FHOD1: variants seen among roughly 807,000 people sequenced by gnomAD.
FHOD1 encodes FH1/FH2 domain-containing protein 1.
A neutral mutation model predicts 111.6 loss-of-function variants in FHOD1; 89 were observed. That is an observed-to-expected ratio of 0.80 (90% CI 0.67 to 0.95). The LOEUF (loss-of-function observed/expected upper bound fraction) is 0.95. Among genes scored for constraint, FHOD1 ranks in the 40% least tolerant of loss-of-function variants. FHOD1 has a pLI of 0.00. For synonymous variants in FHOD1, 618 were observed against 639.0 expected, an observed-to-expected ratio of 0.97 and a Z score of 0.50; for missense variants, 1,446 against 1,554.2, an observed-to-expected ratio of 0.93 and a Z score of 1.17.
intron 13 of FHOD1, 138 bp downstream of exon 13, chr16:67,233,519 C>T: frequency 1.6e-6 from 2 of 1,267,194 alleles, no homozygotes; most frequent in South Asian, 1.7e-5. Context: ...GTTAGGAGAC[C>T]TTGGACAATT....
intron 1 of FHOD1, 102 bp downstream of exon 1, chr16:67,247,108 G>T (rs888454128): frequency 2.3e-6 from 3 of 1,313,088 alleles, no homozygotes; most frequent in Admixed American, 2.9e-5. Context: ...TTCCGGAGAA[G>T]AACACTCGCT....
chr16:67,239,258 T>C lies in FHOD1; in HGVS notation c.308+90A>G, dbSNP rs188352380. The C allele has an allele frequency of 1.3e-3, 1,338 of 1,025,554 alleles. 10 individuals carry two copies. The Middle Eastern group carries it at 0.019, about 15-fold the overall frequency. 63.5% of individuals were successfully genotyped at this position (1,025,554 alleles called of 1,614,324 possible). ...GCAGGAGGTGACCCATGGCTCAGGC[T>C]AGTGATCGAGTGTCTCAGCTGCTGA... On this transcript the variant is annotated intron_variant, in intron 2 of 21. Transcript: ENST00000258201.
chr16:67,230,657 G>T lies in FHOD1; in HGVS notation c.2802C>A (p.Asp934Glu). 1.2e-6 allele frequency: 2 copies of T among 1,614,092 alleles called. No individual in the cohort carries two copies. The highest frequency in any genetic ancestry group is 1.7e-6 in the Non-Finnish European group (2 of 1,179,958). Residue 934 changes from aspartate (D) to glutamate (E), a missense_variant, in exon 18 of 22, where the codon GAC (aspartate) becomes GAA (glutamate). Around this residue, in one of 3 missense-constraint regions of FHOD1, gnomAD observed 1,085 missense variants for 1,108.8 expected, o/e 0.98. Transcript: ENST00000258201. ...GCATGGCAACACGGCGGGCACACTG[G>T]TCCAGGAAGTGGGTGAGGCGGGCAC... ...ALRARLTHFLDQCARRVAMLR... is the reference protein window; with the variant it reads ...ALRARLTHFLEQCARRVAMLR...
At chr16:67,245,904 C>G (rs1232585183) in intron 1 of FHOD1, among the ~76,000 whole-genome samples, 1 of 152,204 alleles carries the variant, frequency 6.6e-6, no homozygotes, top group Non-Finnish European at 1.5e-5. Context: ...GCACTCCTGT[C>G]TTCCCAGCCC....
intron 1 of FHOD1, among the ~76,000 whole-genome samples, chr16:67,246,638 G>A (rs2034847030): frequency 6.6e-6 from 1 of 152,226 alleles, no homozygotes; most frequent in African/African-American, 2.4e-5. Context: ...TGCGCTCTGC[G>A]GATCCCGGGC....
At position 67,234,200 on chromosome 16, in the gene FHOD1, G is replaced by T. The variant is rs775806091; in HGVS notation, c.1503C>A (p.Pro501=). Residue 501 remains proline, a synonymous_variant, in exon 13 of 22, where the codon CCC becomes CCA. Transcript: ENST00000258201. ...PAARTPQSPA[P]CVLLRAQRSL... ...TTCGCTGGGCCCGGAGCAGGACACA[G>T]GGGGCAGGGCTCTGGGGTGTTCTGG... 4 of 1,548,322 alleles carry T rather than the reference G, an allele frequency of 2.6e-6. No individual in the cohort carries two copies. The Admixed American group carries it at 7.6e-5, about 29-fold the overall frequency.
chr16:67,231,392 A>G lies in FHOD1; in HGVS notation c.2505+38T>C, dbSNP rs937031607. 1 of 1,613,742 alleles carries G rather than the reference A, an allele frequency of 6.2e-7. No individual in the cohort carries two copies. Among genetic ancestry groups the G allele is most frequent in the Admixed American group, 1.7e-5 (1 of 59,982 alleles). ...GAGCCTGGGCCTGGTTGGCTCCAGA[A>G]CCCTGACTCCCCCTAGTCCCCATGT... On this transcript the variant is annotated intron_variant, in intron 16 of 21. Transcript: ENST00000258201. This position sits in a 1 kb window ranked among gnomAD's most constrained non-coding sequence, Gnocchi z 4.3.
At chr16:67,232,417 G>A (rs533077366) in intron 13 of FHOD1, among the ~76,000 whole-genome samples, 9 of 151,766 alleles carry the variant, frequency 5.9e-5, no homozygotes, top group Non-Finnish European at 1.2e-4. Context: ...TACTCGGGAG[G>A]CTGAGGCAGG....
intron 2 of FHOD1, among the ~76,000 whole-genome samples, 172 bp downstream of exon 2, chr16:67,239,176 T>G (rs1349026396): frequency 6.6e-6 from 1 of 152,180 alleles, no homozygotes; most frequent in East Asian, 1.9e-4. Flanking sequence ...AACTCCCACC[T>G]TGGGCAGCAG....
At chr16:67,235,529 C>CAAA (rs539631946) in intron 11 of FHOD1, among the ~76,000 whole-genome samples, 14 of 71,650 alleles carry the variant, frequency 2.0e-4, no homozygotes, top group African/African-American at 5.5e-4. Flanking sequence ...GACTCTGTCT[C>CAAA]AAAAAAAAAA....
intron 1 of FHOD1, among the ~76,000 whole-genome samples, chr16:67,240,651 T>TAC (rs2034639093): frequency 6.6e-6 from 1 of 152,184 alleles, no homozygotes. Flanking sequence ...CTCCCCGGGC[T>TAC]CTCCTCCCCC....
rs554964068 is a variant in FHOD1, at chr16:67,231,006, A to C, written c.2667+182T>G. The stretch of plus-strand genomic sequence containing the variant: ...GGCAGTTAAACAGACCCAAAGACTG[A>C]GTAGGTGTGGCCAGGCCAATAGAGG... On this transcript the variant is annotated intron_variant, in intron 17 of 21. Transcript: ENST00000258201. The surrounding 1 kb of genome is among the most constrained non-coding windows in gnomAD (Gnocchi z 4.3). 1.1e-6 allele frequency: 1 copy of C among 879,262 alleles called. No homozygotes were observed. The highest frequency in any genetic ancestry group is 1.7e-5 in the African/African-American group (1 of 58,992). 54.5% of individuals were successfully genotyped at this position (879,262 alleles called of 1,614,324 possible).
intron 1 of FHOD1, among the ~76,000 whole-genome samples, chr16:67,241,544 T>G (rs2034668322): frequency 6.6e-6 from 1 of 152,220 alleles, no homozygotes; most frequent in Non-Finnish European, 1.5e-5. Context: ...CAGCTCATTC[T>G]TTGAACATTC....
Position 67,240,466 on chromosome 16 carries a change from T to C in FHOD1, c.202-1012A>G, listed in dbSNP as rs187243990. On this transcript the variant is annotated intron_variant, in intron 1 of 21. Coordinates refer to ENST00000258201, the MANE Select transcript of FHOD1 (RefSeq NM_013241.3). ...ATTGCTTGAATCCAGGAGGCAGACA[T>C]TGCAGTGAGCCGAGATCATGTCATT... Among the ~76,000 whole-genome samples, 9 of 152,248 alleles carry C rather than the reference T, an allele frequency of 5.9e-5. No individual in the cohort carries two copies. The East Asian group carries it at 1.5e-3, about 26-fold the overall frequency.
chr16:67,234,700 C>G lies in FHOD1; in HGVS notation c.1320-228G>C, dbSNP rs1366975598. The G allele has an allele frequency of 5.7e-6, 3 of 526,822 alleles. No individual in the cohort carries two copies. In the African/African-American group the frequency reaches 5.7e-5, roughly 10 times the overall value. 32.6% of individuals were successfully genotyped at this position (526,822 alleles called of 1,614,324 possible). A position where few individuals can be genotyped will look rare whatever the true frequency, so the allele number is the denominator to read the frequency against. On this transcript the variant is annotated intron_variant, in intron 11 of 21. Coordinates refer to ENST00000258201, the MANE Select transcript of FHOD1 (RefSeq NM_013241.3). ...AACCCAGCATTCCCAGGTGAAAACA[C>G]AGGGAGAGGATCTACTTAACATCTA...
Position 67,247,464 on chromosome 16 carries a change from T to TTC in FHOD1, c.-56_-55dup. On this transcript the variant is annotated 5_prime_UTR_variant, in exon 1 of 22. Coordinates refer to ENST00000258201, the MANE Select transcript of FHOD1 (RefSeq NM_013241.3). ...CTCCGAGTCCCGGCCCCAGTGCAGC[T>TTC]TCTACTCAAAGCACACTGTAGCTCC... 1 of 1,577,978 alleles carries TTC rather than the reference T, an allele frequency of 6.3e-7. No individual in the cohort carries two copies. The highest frequency in any genetic ancestry group is 8.6e-7 in the Non-Finnish European group (1 of 1,158,136).
chr16:67,230,813 C>T (rs1440312845), intron 17 of FHOD1, 22 bp from the exon 18 acceptor site: 2 of 1,563,676 alleles, frequency 1.3e-6, no homozygotes, highest in South Asian at 2.4e-5. Context: ...AGGGGGTGCA[C>T]ATACTGTCCC....
At position 67,230,185 on chromosome 16, in the gene FHOD1, G is replaced by A. The variant is rs1383053363; in HGVS notation, c.3095C>T (p.Pro1032Leu). The A allele has an allele frequency of 1.2e-6, 2 of 1,614,032 alleles. No individual in the cohort carries two copies. The highest frequency in any genetic ancestry group is 1.3e-5 in the African/African-American group (1 of 75,072). ...SGVAGEAPSNPSVPVAVSSGP... is the reference protein window; with the variant it reads ...SGVAGEAPSNLSVPVAVSSGP... ...GCTGCTCACTGCTACTGGGACAGAG[G>A]GGTTGCTGGGGGCTTCCCCAGCCAC... Residue 1032 changes from proline to leucine, a missense_variant, in exon 20 of 22, where the codon CCC becomes CTC. Coordinates refer to ENST00000258201, the MANE Select transcript of FHOD1 (RefSeq NM_013241.3).
At chr16:67,242,951 T>TTA (rs1359810278) in intron 1 of FHOD1, among the ~76,000 whole-genome samples, 1 of 151,192 alleles carries the variant, frequency 6.6e-6, no homozygotes, top group African/African-American at 2.4e-5. Flanking sequence ...TATTGATAAT[T>TTA]TATATATATA....
Sources: allele counts gnomAD v4.1 joint callset (sites outside exome capture counted in the v4.1 genomes callset), GRCh38; gene constraint gnomAD v4.1.1; regional missense constraint gnomAD v4.1.1; non-coding constraint Gnocchi (gnomAD v3.1); transcripts MANE v1.5; gene names NCBI Gene and HGNC (gene_info 2026-07-23, HGNC 2026-07-21).